The following LEF1 variants were observed in gnomAD, a reference collection of about 807,000 sequenced individuals.
The protein encoded by LEF1 is lymphoid enhancer binding factor 1.
Under a neutral mutation model 51.2 loss-of-function variants are expected in LEF1, and 14 were observed. That is an observed-to-expected ratio of 0.27 (90% CI 0.18 to 0.43). The LOEUF (loss-of-function observed/expected upper bound fraction) is 0.43, where lower values mean the gene tolerates loss of function less well. LEF1 is among the 20% of genes least tolerant of loss of function. The pLI is 1.00. For synonymous variants in LEF1, 185 were observed against 183.2 expected, an observed-to-expected ratio of 1.01 and a Z score of -0.08; for missense variants, 386 against 512.0, an observed-to-expected ratio of 0.75 and a Z score of 2.37.
intron 11 of LEF1, among the ~76,000 whole-genome samples, chr4:108,057,500 C>T (rs555370597): frequency 6.6e-5 from 10 of 152,030 alleles, no homozygotes; most frequent in Non-Finnish European, 1.2e-4. Context: ...ATATTTAGAA[C>T]ACTCCCTGGC....
intron 3 of LEF1, among the ~76,000 whole-genome samples, chr4:108,099,612 ATAT>A (rs1560789410): frequency 8.1e-6 from 1 of 123,554 alleles, no homozygotes; most frequent in East Asian, 2.3e-4. Context: ...ATATATATAT[ATAT>A]ATAAATAATA....
Position 108,078,388 on chromosome 4 carries a change from A to AGGT in LEF1, c.846-9_846-7dup, listed in dbSNP as rs112396438. ...TCTGTTCATGCTGAGGCTTCCTAAA[A>AGGT]GGTGGTGGTGGTGGTGGTTAGGGGA... On this transcript the variant is annotated splice_region_variant and splice_polypyrimidine_tract_variant and intron_variant, in intron 7 of 11. Transcript: ENST00000265165. 73 of 1,613,568 alleles carry AGGT rather than the reference A, an allele frequency of 4.5e-5. No homozygotes were observed. The highest frequency in any genetic ancestry group is 1.8e-4 in the Admixed American group (11 of 59,972).
chr4:108,081,658 G>C lies in LEF1; in HGVS notation c.650C>G (p.Pro217Arg). The C allele has an allele frequency of 6.2e-7, 1 of 1,613,912 alleles. No homozygotes were observed. The highest frequency in any genetic ancestry group is 8.5e-7 in the Non-Finnish European group (1 of 1,179,842). ...ITPPLGWQGQ[P>R]VYPITGGFRQ... ...GAATCCACCCGTGATGGGATATACA[G>C]GCTGACCTTGCCTGAGGTCACAGAA... The change falls in exon 6 of 12, where the codon CCT becomes CGT. Residue 217 changes from proline (P) to arginine (R), a missense_variant. Transcript: ENST00000265165.
At chr4:108,165,212 T>C (rs761924496) in intron 1 of LEF1, 49 bp from the exon 2 acceptor site, 51 of 1,549,682 alleles carry the variant, frequency 3.3e-5, no homozygotes, top group Non-Finnish European at 4.3e-5. Context: ...CACCTTAGAG[T>C]TTGTGACAAT....
chr4:108,054,059 G>T (rs1265915831), intron 11 of LEF1, among the ~76,000 whole-genome samples: 2 of 152,194 alleles, frequency 1.3e-5, no homozygotes, highest in Non-Finnish European at 2.9e-5. Context: ...GCATTTGTGT[G>T]TGCACCTGTG....
chr4:108,114,934 G>A (rs1028517088), intron 3 of LEF1, among the ~76,000 whole-genome samples: 2 of 152,364 alleles, frequency 1.3e-5, no homozygotes, highest in East Asian at 3.9e-4. Flanking sequence ...GGCTCGAGGA[G>A]GGCAGGGAGC....
intron 3 of LEF1, among the ~76,000 whole-genome samples, chr4:108,157,150 C>A: frequency 5.4e-5 from 1 of 18,590 alleles, no homozygotes; most frequent in East Asian, 4.0e-3. Flanking sequence ...CCTCTTCATT[C>A]TCTCTCTCTC....
intron 3 of LEF1, among the ~76,000 whole-genome samples, chr4:108,152,903 A>C (rs1295197306): frequency 2.6e-5 from 4 of 152,198 alleles, no homozygotes; most frequent in African/African-American, 9.6e-5. Context: ...GAGTGGTAGC[A>C]TCTAGGTATA....
chr4:108,131,930 A>C (rs1287225430), intron 3 of LEF1, among the ~76,000 whole-genome samples: 1 of 152,202 alleles, frequency 6.6e-6, no homozygotes, highest in African/African-American at 2.4e-5. Flanking sequence ...TAGTGCAACA[A>C]AATGCACTGA....
chr4:108,155,381 A>G (rs1053121099), intron 3 of LEF1, among the ~76,000 whole-genome samples: 4 of 152,220 alleles, frequency 2.6e-5, no homozygotes, highest in Non-Finnish European at 5.9e-5. Flanking sequence ...AGCGAGCCCA[A>G]GAGAGGAAAA....
intron 3 of LEF1, among the ~76,000 whole-genome samples, chr4:108,098,514 T>C (rs1319306429): frequency 6.7e-6 from 1 of 149,848 alleles, no homozygotes; most frequent in African/African-American, 2.4e-5. Context: ...GGGGGGGCTT[T>C]CACACTTAAG....
chr4:108,158,418 AAGAGAG>A (rs145164137), intron 3 of LEF1, among the ~76,000 whole-genome samples: 159 of 150,320 alleles, frequency 1.1e-3, no homozygotes, highest in African/African-American at 3.7e-3. Flanking sequence ...CCCTTAAAAA[AAGAGAG>A]AGAGAGAGAG....
chr4:108,085,557 G>A (rs2126294013), intron 4 of LEF1, among the ~76,000 whole-genome samples: 1 of 152,240 alleles, frequency 6.6e-6, no homozygotes, highest in East Asian at 1.9e-4. Context: ...ACTACTCCAT[G>A]TTCTAAGCAT....
At position 108,121,222 on chromosome 4, in the gene LEF1, T is replaced by G. The variant is rs577235803; in HGVS notation, c.415-31965A>C. 3.3e-5 allele frequency among the ~76,000 whole-genome samples: 5 copies of G among 152,240 alleles called. 1 individual carries two copies. In the South Asian group the frequency reaches 8.3e-4, roughly 25 times the overall value. On this transcript the variant is annotated intron_variant, in intron 3 of 11. Coordinates refer to ENST00000265165, the MANE Select transcript of LEF1 (RefSeq NM_016269.5). ...TGATGAATATAGTAACTAAAGAACTTCTACTACAGTTGGTGCCAGGCCATG... is the reference window on the plus strand; with the variant it reads ...TGATGAATATAGTAACTAAAGAACTGCTACTACAGTTGGTGCCAGGCCATG...
At chr4:108,116,489 C>T (rs1047634010) in intron 3 of LEF1, among the ~76,000 whole-genome samples, 2 of 152,116 alleles carry the variant, frequency 1.3e-5, no homozygotes, top group South Asian at 2.1e-4. Context: ...ACCACTGTAC[C>T]CCAACCTAGG....
intron 3 of LEF1, among the ~76,000 whole-genome samples, chr4:108,133,835 T>G (rs919532508): frequency 6.6e-6 from 1 of 152,150 alleles, no homozygotes; most frequent in African/African-American, 2.4e-5. Flanking sequence ...CATCAGAAAA[T>G]AATCTCATTT....
intron 3 of LEF1, among the ~76,000 whole-genome samples, chr4:108,095,185 A>G (rs1740300965): frequency 6.6e-6 from 1 of 152,176 alleles, no homozygotes; most frequent in East Asian, 1.9e-4. Flanking sequence ...CTGGAGGAAA[A>G]GGGATGGTCT....
Position 108,083,342 on chromosome 4 carries a change from A to G in LEF1, c.638+14T>C, listed in dbSNP as rs376191205. ...GTTCAAATGCCTGGCTGAAGGGTGC[A>G]GCAAGGTTCTTACCAGCCAAGAGGT... On this transcript the variant is annotated intron_variant, in intron 5 of 11. Transcript: ENST00000265165. The G allele has an allele frequency of 8.3e-6, 13 of 1,568,676 alleles. No homozygotes were observed. Among genetic ancestry groups the G allele is most frequent in the Non-Finnish European group, 1.1e-5 (12 of 1,138,680 alleles).
Position 108,048,559 on chromosome 4 carries a change from G to A in LEF1, c.*199C>T, listed in dbSNP as rs551313733. On this transcript the variant is annotated 3_prime_UTR_variant, in exon 12 of 12. Transcript: ENST00000265165. ...GGCTCTTGCAGTAGACGAAAGAGGG[G>A]TTGGCAGTGATTGTCTTTATGGATC... 242 of 555,824 alleles carry A rather than the reference G, an allele frequency of 4.4e-4. No homozygotes were observed. The highest frequency in any genetic ancestry group is 4.7e-4 in the Non-Finnish European group (156 of 332,304). The allele number at this position is 555,824 out of a possible 1,614,324, so 34.4% of individuals were successfully genotyped here.
Sources: gnomAD v4.1 joint callset for allele counts (sites outside exome capture counted in the v4.1 genomes callset) on GRCh38, gnomAD v4.1.1 for gene constraint, MANE v1.5 for transcripts, NCBI Gene and HGNC (gene_info 2026-07-23, HGNC 2026-07-21) for gene names.